MLLT10: variants seen among roughly 807,000 people sequenced by gnomAD.
MLLT10 encodes MLLT10 histone lysine methyltransferase DOT1L cofactor.
MLLT10 carries 30 observed loss-of-function variants against 129.1 expected under a neutral mutation model. That is an observed-to-expected ratio of 0.23 (90% confidence interval 0.17 to 0.32). The LOEUF (loss-of-function observed/expected upper bound fraction) is 0.32, where lower values mean the gene tolerates loss of function less well. MLLT10 is among the 10% of genes least tolerant of loss of function. The pLI is 1.00. For synonymous variants in MLLT10, 490 were observed against 446.4 expected (o/e 1.10, Z -1.23); for missense variants, 1,119 against 1,268.3 (o/e 0.88, Z 1.79).
At chr10:21,694,239 T>C (rs2054152096) in intron 13 of MLLT10, among the ~76,000 whole-genome samples, 4 of 152,242 alleles carry the variant, frequency 2.6e-5, no homozygotes, top group Admixed American at 2.6e-4. Context: ...AACACTGCTA[T>C]ATTACTACCA....
intron 8 of MLLT10, among the ~76,000 whole-genome samples, chr10:21,617,928 C>T (rs189412361): frequency 6.1e-4 from 92 of 151,974 alleles, no homozygotes; most frequent in Middle Eastern, 3.4e-3. Context: ...GAGGCTGAGG[C>T]GAGAGGATCG....
intron 5 of MLLT10, among the ~76,000 whole-genome samples, chr10:21,611,036 G>T (rs1589223516): frequency 2.2e-5 from 2 of 91,382 alleles, no homozygotes; most frequent in East Asian, 3.1e-4. Context: ...CTCTCTTGTT[G>T]CCCAGCCTGG....
intron 11 of MLLT10, among the ~76,000 whole-genome samples, chr10:21,678,634 T>C (rs533292059): frequency 6.6e-6 from 1 of 152,300 alleles, no homozygotes; most frequent in East Asian, 1.9e-4. Flanking sequence ...GATGGGTTCA[T>C]TGAGAGATTA....
Position 21,621,250 on chromosome 10 carries a change from C to CT in MLLT10, c.699+4055dup, listed in dbSNP as rs1410904986. On this transcript the variant is annotated intron_variant, in intron 8 of 22. Transcript: ENST00000307729. ...ACCTCGTGATCCGCCCCCCGCTCCC[C>CT]TTTTTTTTTTTTGAGACGGAGTCTC... 6.4e-3 allele frequency among the ~76,000 whole-genome samples: 710 copies of CT among 111,144 alleles called. 3 individuals are homozygous for CT. Among genetic ancestry groups the CT allele is most frequent in the East Asian group, 0.024 (90 of 3,794 alleles). The allele number at this position is 111,144 out of a possible 152,430, so 72.9% of individuals were successfully genotyped here.
intron 3 of MLLT10, among the ~76,000 whole-genome samples, chr10:21,548,120 A>T (rs1264682062): frequency 6.6e-6 from 1 of 151,924 alleles, no homozygotes; most frequent in Non-Finnish European, 1.5e-5. Flanking sequence ...GTAACTAAAG[A>T]TTTTATTCTA....
intron 13 of MLLT10, among the ~76,000 whole-genome samples, chr10:21,696,556 T>C (rs1397316853): frequency 6.6e-6 from 1 of 152,196 alleles, no homozygotes; most frequent in Non-Finnish European, 1.5e-5. Context: ...AGATGACCTT[T>C]ATGCACATTT....
Position 21,561,046 on chromosome 10 carries a change from T to G in MLLT10, c.240+22134T>G, listed in dbSNP as rs1427012360. Among the ~76,000 whole-genome samples the G allele has an allele frequency of 2.0e-5, 3 of 152,196 alleles. No individual in the cohort carries two copies. In the South Asian group the frequency reaches 6.2e-4, roughly 32 times the overall value. On this transcript the variant is annotated intron_variant, in intron 3 of 22. Coordinates refer to ENST00000307729, the MANE Select transcript of MLLT10 (RefSeq NM_001195626.3). ...GAATATTTTATCCCATTCTGTGTGT[T>G]GTCTTTTCGCTCTGTTGAGAGTCAT...
intron 8 of MLLT10, among the ~76,000 whole-genome samples, chr10:21,630,534 G>A (rs1428134812): frequency 6.6e-6 from 1 of 152,152 alleles, no homozygotes; most frequent in East Asian, 1.9e-4. Context: ...TGTTTATATA[G>A]CAAGCAAACA....
chr10:21,740,076 A>T lies in MLLT10; in HGVS notation c.3002A>T (p.Gln1001Leu). ...TATCAGTTAATGCAACATCACCACC[A>T]GCAGCACCACCAACCTGAACTTCAG... ...FLYQLMQHHH[Q>L]QHHQPELQQL... The change falls in exon 22 of 23, where the codon CAG becomes CTG. Residue 1001 changes from glutamine to leucine, a missense_variant. Transcript: ENST00000307729. 1 of 1,613,886 alleles carries T rather than the reference A, an allele frequency of 6.2e-7. No homozygotes were observed.
At chr10:21,599,426 T>G (rs1052137819) in intron 5 of MLLT10, among the ~76,000 whole-genome samples, 9 of 152,220 alleles carry the variant, frequency 5.9e-5, no homozygotes, top group South Asian at 2.1e-4. Context: ...TCTATTACTG[T>G]ATCCATCTCT....
chr10:21,538,732 C>T, intron 2 of MLLT10, 101 bp from the exon 3 acceptor site: 2 of 774,120 alleles, frequency 2.6e-6, no homozygotes, highest in Non-Finnish European at 4.3e-6. Context: ...AGGTAGTTTA[C>T]TTGAATAGTG....
At chr10:21,661,116 A>G (rs1469938967) in intron 9 of MLLT10, among the ~76,000 whole-genome samples, 1 of 151,902 alleles carries the variant, frequency 6.6e-6, no homozygotes, top group Non-Finnish European at 1.5e-5. Flanking sequence ...CCTTTCTGGT[A>G]TTGATTTCTG....
intron 3 of MLLT10, among the ~76,000 whole-genome samples, chr10:21,543,280 C>T (rs541763836): frequency 6.6e-6 from 1 of 151,826 alleles, no homozygotes; most frequent in South Asian, 2.1e-4. Context: ...GTCACCATGC[C>T]CGGCTAATTT....
intron 22 of MLLT10, among the ~76,000 whole-genome samples, chr10:21,741,086 T>C (rs935626696): frequency 3.9e-5 from 6 of 152,192 alleles, no homozygotes; most frequent in African/African-American, 1.2e-4. Context: ...CTTCAGAAAC[T>C]TTAGTTTGTA....
chr10:21,574,902 G>A (rs978528566), intron 3 of MLLT10, among the ~76,000 whole-genome samples: 8 of 152,058 alleles, frequency 5.3e-5, no homozygotes, highest in Non-Finnish European at 1.2e-4. Flanking sequence ...AGGTTTTTAT[G>A]TCTTGTATCT....
chr10:21,665,286 T>C (rs2050658179), intron 9 of MLLT10, among the ~76,000 whole-genome samples: 1 of 123,112 alleles, frequency 8.1e-6, no homozygotes, highest in Admixed American at 8.2e-5. Context: ...TTTTTGTTTG[T>C]TTGTTTGTTT....
At chr10:21,548,628 C>G (rs2036484713) in intron 3 of MLLT10, among the ~76,000 whole-genome samples, 1 of 152,132 alleles carries the variant, frequency 6.6e-6, no homozygotes, top group Admixed American at 6.6e-5. Flanking sequence ...CTTTGCCTCC[C>G]AAAATGCTGG....
chr10:21,740,789 T>C (rs1410762527), intron 22 of MLLT10, among the ~76,000 whole-genome samples: 2 of 152,370 alleles, frequency 1.3e-5, no homozygotes, highest in Admixed American at 6.5e-5. Context: ...TAAAAATGGA[T>C]GCAGGAACAG....
At chr10:21,616,429 C>G (rs1349310041) in intron 7 of MLLT10, among the ~76,000 whole-genome samples, 1 of 151,980 alleles carries the variant, frequency 6.6e-6, no homozygotes, top group African/African-American at 2.4e-5. Context: ...CTAGTTTACA[C>G]CAATTCGATG....
Sources: allele counts gnomAD v4.1 joint callset (sites outside exome capture counted in the v4.1 genomes callset), GRCh38; gene constraint gnomAD v4.1.1; transcripts MANE v1.5; gene names NCBI Gene and HGNC (gene_info 2026-07-23, HGNC 2026-07-21).